Variants in PGAP3 observed in about 807,000 individuals in gnomAD.
PGAP3 encodes post-GPI attachment to proteins phospholipase 3.
In PGAP3, 31 loss-of-function variants were observed where a neutral mutation model predicts 40.3. The observed-to-expected ratio is 0.77, with a 90% CI of 0.58 to 1.04. The LOEUF (loss-of-function observed/expected upper bound fraction) is 1.04, where lower values mean the gene tolerates loss of function less well. Among genes scored for constraint, PGAP3 ranks in the 50% least tolerant of loss-of-function variants. The pLI is 0.00. For synonymous variants in PGAP3, 191 were observed against 184.5 expected, an observed-to-expected ratio of 1.04 and a Z score of -0.29; for missense variants, 413 against 423.0, an observed-to-expected ratio of 0.98 and a Z score of 0.21.
chr17:39,686,554 C>CG lies in PGAP3; in HGVS notation c.182-536_182-535insC, dbSNP rs2057531703. Among the ~76,000 whole-genome samples, 7 of 97,926 alleles carry CG rather than the reference C, an allele frequency of 7.1e-5. No individual in the cohort carries two copies. In the South Asian group the frequency reaches 2.3e-3, roughly 32 times the overall value. 64.2% of individuals were successfully genotyped at this position (97,926 alleles called of 152,430 possible). A position where few individuals can be genotyped will look rare whatever the true frequency, so the allele number is the denominator to read the frequency against. On this transcript the variant is annotated intron_variant, in intron 1 of 7. Coordinates refer to ENST00000300658, the MANE Select transcript of PGAP3 (RefSeq NM_033419.5). ...TGCAGGCACGAGCCACCGCACCCGG[C>CG]ATTTTTTTTTTTTTTTTTTTTTTGA...
Position 39,687,888 on chromosome 17 carries a change from C to A in PGAP3, c.127G>T (p.Gly43Trp). The A allele has an allele frequency of 6.6e-7, 1 of 1,512,326 alleles. No individual in the cohort carries two copies. 93.7% of individuals were successfully genotyped at this position (1,512,326 alleles called of 1,614,324 possible). The change falls in exon 1 of 8, where the codon GGG (glycine) becomes TGG (tryptophan). Residue 43 changes from glycine (G) to tryptophan (W), a missense_variant. Physicochemically the swap from Gly to Trp is radical, Grantham distance 184 (BLOSUM62 -2). Coordinates refer to ENST00000300658, the MANE Select transcript of PGAP3 (RefSeq NM_033419.5). ...GAGCGGAAGTGATTCAGAGCGCCCC[C>A]AGAGCAGTTCTGCTCTTCGCACTGC... is the stretch of plus-strand genomic sequence containing the variant. ...VLQCEEQNCS[G>W]GALNHFRSRQ...
Position 39,687,838 on chromosome 17 carries a change from T to A in PGAP3, c.177A>T (p.Leu59=). The stretch of plus-strand genomic sequence containing the variant: ...TACCGTGGGGGTGGGGCTTACCTGC[T>A]AGACTCATGTAGATTGGCTGGCGGG... ...FRSRQPIYMS[L]AGWTCRDDCK... The change falls in exon 1 of 8, where the codon CTA becomes CTT. Residue 59 remains leucine, a synonymous_variant. Coordinates refer to ENST00000300658, the MANE Select transcript of PGAP3 (RefSeq NM_033419.5). 6.8e-7 allele frequency: 1 copy of A among 1,474,158 alleles called. No homozygotes were observed. The highest frequency in any genetic ancestry group is 9.1e-7 in the Non-Finnish European group (1 of 1,096,352). The allele number at this position is 1,474,158 out of a possible 1,614,324, so 91.3% of individuals were successfully genotyped here.
In PGAP3 at chr17:39,673,762, C is replaced by T. The variant is rs1206106632; in HGVS notation, c.558-112G>A. 3.5e-6 allele frequency: 5 copies of T among 1,432,726 alleles called. No homozygotes were observed. In the East Asian group the frequency reaches 9.5e-5, roughly 27 times the overall value. 88.8% of individuals were successfully genotyped at this position (1,432,726 alleles called of 1,614,324 possible). A position where few individuals can be genotyped will look rare whatever the true frequency, so the allele number is the denominator to read the frequency against. On this transcript the variant is annotated intron_variant, in intron 5 of 7. Transcript: ENST00000300658. ...GTGCATGGCCCCTGAAGTCACTACC[C>T]CTCTCCCCACCAAACAGGCCACAGC...
In PGAP3 at chr17:39,687,918, C is replaced by A; in HGVS notation, c.97G>T (p.Val33Leu). ...GDREPVYRDC[V>L]LQCEEQNCSG... ...CAGTTCTGCTCTTCGCACTGCAGTA[C>A]GCAGTCGCGGTACACCGGCTCACGG... Residue 33 changes from valine (V) to leucine (L), a missense_variant, in exon 1 of 8, where the codon GTA (valine) becomes TTA (leucine). Coordinates refer to ENST00000300658, the MANE Select transcript of PGAP3 (RefSeq NM_033419.5). The A allele has an allele frequency of 1.3e-6, 2 of 1,510,728 alleles. No individual in the cohort carries two copies. The highest frequency in any genetic ancestry group is 2.1e-4 in the Middle Eastern group (1 of 4,840). 93.6% of individuals were successfully genotyped at this position (1,510,728 alleles called of 1,614,324 possible).
At chr17:39,673,023 T>C (rs751356901) in intron 7 of PGAP3, 28 bp downstream of exon 7, 9 of 1,591,510 alleles carry the variant, frequency 5.7e-6, no homozygotes, top group Non-Finnish European at 6.8e-6. Flanking sequence ...CCAAAGAAGG[T>C]GAGCACCAGG....
Position 39,684,615 on chromosome 17 carries a change from G to C in PGAP3, c.414C>G (p.Thr138=), listed in dbSNP as rs561087804. ...FVPASSPMYH[T]CVAFAWVSLN... ...TACCTACCCAGGCGAAGGCCACACA[G>C]GTGTGGTACATGGGGGAGGAGGCTG... Residue 138 remains threonine (T), a synonymous_variant, in exon 3 of 8, where the codon ACC becomes ACG. Transcript: ENST00000300658. 3 of 1,613,560 alleles carry C rather than the reference G, an allele frequency of 1.9e-6. No homozygotes were observed. The South Asian group carries it at 3.3e-5, about 18-fold the overall frequency.
At chr17:39,679,183 G>A (rs1216207764) in intron 3 of PGAP3, among the ~76,000 whole-genome samples, 2 of 152,088 alleles carry the variant, frequency 1.3e-5, no homozygotes, top group Non-Finnish European at 2.9e-5. Context: ...GACCTCAGAT[G>A]ATCCACCTGC....
intron 3 of PGAP3, among the ~76,000 whole-genome samples, chr17:39,678,011 C>A (rs973447982): frequency 6.6e-6 from 1 of 152,138 alleles, no homozygotes; most frequent in South Asian, 2.1e-4. Context: ...AGTGTCTCAC[C>A]CCCTGCCTCA....
chr17:39,676,958 C>T (rs1362521719), intron 3 of PGAP3, among the ~76,000 whole-genome samples: 1 of 152,150 alleles, frequency 6.6e-6, no homozygotes, highest in Non-Finnish European at 1.5e-5. Flanking sequence ...GATGTTTAGG[C>T]AGATAAGGGG....
chr17:39,678,536 T>C (rs926164160), intron 3 of PGAP3, among the ~76,000 whole-genome samples: 1 of 152,210 alleles, frequency 6.6e-6, no homozygotes, highest in Non-Finnish European at 1.5e-5. Flanking sequence ...AGCGTTATCA[T>C]GAGTCCTGCT....
Position 39,673,986 on chromosome 17 carries a change from G to A in PGAP3, c.557+7C>T. On this transcript the variant is annotated splice_region_variant and intron_variant, in intron 5 of 7. Coordinates refer to ENST00000300658, the MANE Select transcript of PGAP3 (RefSeq NM_033419.5). ...TTTTGCCCCTGCAGCCACCCAGGCA[G>A]GCTCACCTGACGCAGCACAGGTAGA... 6.2e-7 allele frequency: 1 copy of A among 1,613,896 alleles called. No individual in the cohort carries two copies. The highest frequency in any genetic ancestry group is 8.5e-7 in the Non-Finnish European group (1 of 1,179,802).
At position 39,687,987 on chromosome 17, in the gene PGAP3, G is replaced by A. The variant is rs768151075; in HGVS notation, c.28C>T (p.Leu10=). 2.2e-5 allele frequency: 31 copies of A among 1,436,088 alleles called. No individual in the cohort carries two copies. In the South Asian group the frequency reaches 3.6e-4, roughly 16 times the overall value. 89.0% of individuals were successfully genotyped at this position (1,436,088 alleles called of 1,614,324 possible). MAGLAARLV[L]LAGAAALASG... is the part of the protein sequence containing the mutation. ...GCCAGCGCCGCTGCCCCAGCTAGCA[G>A]GACCAACCGCGCCGCCAGGCCGGCC... Residue 10 remains leucine, a synonymous_variant, in exon 1 of 8, where the codon CTG becomes TTG. Transcript: ENST00000300658.
chr17:39,679,855 TCCCCACACATGTATGTGTCTAAGCCTTG>T (rs1212714801), intron 3 of PGAP3, among the ~76,000 whole-genome samples: 2 of 152,166 alleles, frequency 1.3e-5, no homozygotes, highest in Non-Finnish European at 2.9e-5. Flanking sequence ...CAATCCCCTG[TCCCCACACATGTATGTGTCTAAGCCTTG>T]CCCCACACAT....
chr17:39,685,090 C>T (rs1384651751), intron 2 of PGAP3, among the ~76,000 whole-genome samples: 3 of 152,076 alleles, frequency 2.0e-5, no homozygotes, highest in African/African-American at 7.2e-5. Context: ...TACCACTGAC[C>T]ACGGTCCTTT....
intron 3 of PGAP3, among the ~76,000 whole-genome samples, chr17:39,683,291 C>G (rs1200839743): frequency 2.0e-5 from 3 of 151,978 alleles, no homozygotes; most frequent in African/African-American, 7.2e-5. Flanking sequence ...TCTTTAGAAG[C>G]CTTCCCTTAC....
intron 5 of PGAP3, 161 bp downstream of exon 5, chr17:39,673,832 A>G (rs2057341101): frequency 4.2e-6 from 5 of 1,196,054 alleles, no homozygotes; most frequent in Non-Finnish European, 5.9e-6. Flanking sequence ...CAGGGCCCCC[A>G]GTCCTACCCC....
At position 39,685,914 on chromosome 17, in the gene PGAP3, C is replaced by CAACT. The variant is rs766984618; in HGVS notation, c.279+4_279+7dup. ...CTACCATATGCCTACCCTGACCCTCCAACTCACCTTGCCATGGAACTGAGG... is the reference window on the plus strand; with the variant it reads ...CTACCATATGCCTACCCTGACCCTCCAACTAACTCACCTTGCCATGGAACTGAGG... On this transcript the variant is annotated splice_region_variant and intron_variant, in intron 2 of 7. Coordinates refer to ENST00000300658, the MANE Select transcript of PGAP3 (RefSeq NM_033419.5). The CAACT allele has an allele frequency of 6.5e-5, 105 of 1,611,366 alleles. No homozygotes were observed. The highest frequency in any genetic ancestry group is 8.8e-5 in the Non-Finnish European group (104 of 1,177,982).
At chr17:39,682,667 C>G (rs1364604319) in intron 3 of PGAP3, among the ~76,000 whole-genome samples, 2 of 152,208 alleles carry the variant, frequency 1.3e-5, no homozygotes, top group African/African-American at 4.8e-5. Flanking sequence ...AAACTACCAA[C>G]TGGTCTACTG....
chr17:39,673,867 T>C, intron 5 of PGAP3, 126 bp downstream of exon 5: 2 of 1,267,832 alleles, frequency 1.6e-6, no homozygotes, highest in East Asian at 2.5e-5. Context: ...GGACAGCTGA[T>C]GTGTTGGGGG....
Sources: allele counts gnomAD v4.1 joint callset (sites outside exome capture counted in the v4.1 genomes callset), GRCh38; gene constraint gnomAD v4.1.1; transcripts MANE v1.5; gene names NCBI Gene and HGNC (gene_info 2026-07-23, HGNC 2026-07-21).